FBXO16: variants seen among roughly 807,000 people sequenced by gnomAD.
FBXO16 encodes the protein F-box only protein 16.
A neutral mutation model predicts 41.0 loss-of-function variants in FBXO16; 31 were observed. The observed-to-expected ratio is 0.76, with a 90% confidence interval of 0.57 to 1.02. The LOEUF (loss-of-function observed/expected upper bound fraction) is 1.02, where lower values mean the gene tolerates loss of function less well. Among genes scored for constraint, FBXO16 ranks in the 50% least tolerant of loss-of-function variants. The pLI is 0.00. For synonymous variants in FBXO16, 133 were observed against 117.8 expected (o/e 1.13, Z -0.84); for missense variants, 361 against 346.2 (o/e 1.04, Z -0.34).
chr8:28,476,033 A>T (rs1177267484), intron 2 of FBXO16, among the ~76,000 whole-genome samples: 1 of 152,204 alleles, frequency 6.6e-6, no homozygotes, highest in Non-Finnish European at 1.5e-5. Flanking sequence ...TTCCAGCCTT[A>T]CATTCTTGAT....
chr8:28,460,533 T>G (rs754112233), intron 4 of FBXO16, among the ~76,000 whole-genome samples: 4 of 146,604 alleles, frequency 2.7e-5, no homozygotes, highest in Non-Finnish European at 5.9e-5. Flanking sequence ...AAGCAACCCT[T>G]CTGCCTCAGC....
intron 3 of FBXO16, among the ~76,000 whole-genome samples, chr8:28,471,447 CTCTT>C (rs146141472): frequency 2.1e-3 from 306 of 145,160 alleles, no homozygotes; most frequent in Middle Eastern, 0.017. Context: ...TCCTTCCTCT[CTCTT>C]TCTTTCTTTC....
At position 28,479,670 on chromosome 8, in the gene FBXO16, C is replaced by A. The variant is rs758035752; in HGVS notation, c.99+3678G>T. 5.9e-5 allele frequency among the ~76,000 whole-genome samples: 9 copies of A among 152,146 alleles called. No homozygotes were observed. The South Asian group carries it at 1.0e-3, about 18-fold the overall frequency. ...AACTGTGGGAGAGCTTCGAGCATTG[C>A]AAACAGGTGCTCAGTAAATTACTGT... On this transcript the variant is annotated intron_variant, in intron 2 of 8. Transcript: ENST00000380254.
chr8:28,440,872 C>T (rs946479472), intron 7 of FBXO16, among the ~76,000 whole-genome samples: 1 of 152,048 alleles, frequency 6.6e-6, no homozygotes. Flanking sequence ...CAGTGCTAGA[C>T]AAAGGGTATT....
chr8:28,469,976 G>A (rs1053300949), intron 3 of FBXO16, among the ~76,000 whole-genome samples: 4 of 151,778 alleles, frequency 2.6e-5, no homozygotes, highest in Non-Finnish European at 4.4e-5. Flanking sequence ...AGGCCGAGGC[G>A]GCTGGACCAC....
rs1460055576 is a variant in FBXO16 at position 28,438,243 on chromosome 8, G to A, written c.844-8840C>T. On this transcript the variant is annotated intron_variant, in intron 7 of 8. Transcript: ENST00000380254. ...AGGCATGAGAATTACTTGAACCTGA[G>A]AGGCAGAGGCTGCAGTGACCCAAGA... is the stretch of plus-strand genomic sequence containing the variant. Among the ~76,000 whole-genome samples, 5 of 152,234 alleles carry A rather than the reference G, an allele frequency of 3.3e-5. No homozygotes were observed. In the East Asian group the frequency reaches 9.7e-4, roughly 29 times the overall value.
At chr8:28,477,868 C>G (rs144236436) in intron 2 of FBXO16, among the ~76,000 whole-genome samples, 1 of 151,928 alleles carries the variant, frequency 6.6e-6, no homozygotes, top group Admixed American at 6.6e-5. Flanking sequence ...ACAAATTAGC[C>G]GGGCATGGTG....
At chr8:28,453,059 T>C (rs1316572323) in intron 5 of FBXO16, among the ~76,000 whole-genome samples, 2 of 152,200 alleles carry the variant, frequency 1.3e-5, no homozygotes, top group Non-Finnish European at 1.5e-5. Flanking sequence ...ACTTGCCATG[T>C]TGCAGTCACT....
intron 2 of FBXO16, among the ~76,000 whole-genome samples, chr8:28,476,324 A>C (rs915510492): frequency 6.6e-6 from 1 of 152,200 alleles, no homozygotes. Context: ...GTAGAAACTG[A>C]TGGGACAGAA....
At chr8:28,449,808 C>T (rs577517462) in intron 6 of FBXO16, among the ~76,000 whole-genome samples, 22 of 151,842 alleles carry the variant, frequency 1.4e-4, no homozygotes, top group Non-Finnish European at 2.8e-4. Flanking sequence ...CTCGTCCCTA[C>T]TAAAAATACA....
At chr8:28,449,685 T>C (rs946268996) in intron 6 of FBXO16, among the ~76,000 whole-genome samples, 5 of 151,706 alleles carry the variant, frequency 3.3e-5, no homozygotes, top group African/African-American at 1.2e-4. Flanking sequence ...TAAAGAAGGG[T>C]GATACGGGTC....
intron 6 of FBXO16, among the ~76,000 whole-genome samples, chr8:28,448,134 G>C (rs892384417): frequency 1.3e-5 from 2 of 152,014 alleles, no homozygotes; most frequent in Non-Finnish European, 2.9e-5. Flanking sequence ...GAGTCCAGGA[G>C]TTTGAGACCC....
In FBXO16 at chr8:28,465,432, G is replaced by A. The variant is rs115040664; in HGVS notation, c.136-1614C>T. ...GAGCCCAGGAATTTGAAACCAGCCC[G>A]AGCAACACCCCATCTGCACAAAAAA... is the stretch of plus-strand genomic sequence containing the variant. On this transcript the variant is annotated intron_variant, in intron 3 of 8. Coordinates refer to ENST00000380254, the MANE Select transcript of FBXO16 (RefSeq NM_172366.4). The A allele has an allele frequency of 3.7e-3, 1,653 of 450,302 alleles. 26 individuals are homozygous for A. Among genetic ancestry groups the A allele is most frequent in the African/African-American group, 0.03 (1,483 of 49,580 alleles). The allele number at this position is 450,302 out of a possible 1,614,324, so 27.9% of individuals were successfully genotyped here. A position where few individuals can be genotyped will look rare whatever the true frequency, so the allele number is the denominator to read the frequency against.
intron 3 of FBXO16, among the ~76,000 whole-genome samples, chr8:28,466,294 A>T (rs372844103): frequency 4.6e-5 from 7 of 152,236 alleles, no homozygotes; most frequent in African/African-American, 1.2e-4. Flanking sequence ...CCTAAATAAA[A>T]CTATTCACTA....
Position 28,483,376 on chromosome 8 carries a change from G to C in FBXO16, c.71C>G (p.Pro24Arg). 7 of 1,614,050 alleles carry C rather than the reference G, an allele frequency of 4.3e-6. No individual in the cohort carries two copies. Among genetic ancestry groups the C allele is most frequent in the Non-Finnish European group, 5.9e-6 (7 of 1,180,016 alleles). The change falls in exon 2 of 9, where the codon CCC becomes CGC. Residue 24 changes from proline (P) to arginine (R), a missense_variant. Physicochemically the swap from Pro to Arg is moderately radical, Grantham distance 103. Coordinates refer to ENST00000380254, the MANE Select transcript of FBXO16 (RefSeq NM_172366.4). Reference sequence around the variant, plus strand: ...GTCATTCAATAGCTGATGGTTTAGGGGTGTCCAGGTGCTCATCTTTGTCTG... The same window carrying C: ...GTCATTCAATAGCTGATGGTTTAGGCGTGTCCAGGTGCTCATCTTTGTCTG... ...KMQTKMSTWT[P>R]LNHQLLNDRV...
chr8:28,482,149 AT>A (rs1350361008), intron 2 of FBXO16, among the ~76,000 whole-genome samples: 1 of 152,176 alleles, frequency 6.6e-6, no homozygotes, highest in African/African-American at 2.4e-5. Flanking sequence ...CTCATCTTTT[AT>A]TGTGAAACAG....
intron 2 of FBXO16, among the ~76,000 whole-genome samples, chr8:28,476,684 C>T (rs1803428123): frequency 6.6e-6 from 1 of 152,116 alleles, no homozygotes; most frequent in Non-Finnish European, 1.5e-5. Context: ...ACTGTAGTTA[C>T]ATATTTTACC....
chr8:28,470,993 G>C (rs1803325664), intron 3 of FBXO16, among the ~76,000 whole-genome samples: 1 of 152,162 alleles, frequency 6.6e-6, no homozygotes, highest in Non-Finnish European at 1.5e-5. Flanking sequence ...CAACAGAGCA[G>C]AAGCTGAGAG....
At chr8:28,429,546 G>A in intron 7 of FBXO16, 143 bp from the exon 8 acceptor site, 1 of 866,952 alleles carries the variant, frequency 1.2e-6, no homozygotes, top group Non-Finnish European at 1.8e-6. Flanking sequence ...AGACCTAAGA[G>A]GATTGGGCTG....
Sources: allele counts gnomAD v4.1 joint callset (sites outside exome capture counted in the v4.1 genomes callset), GRCh38; gene constraint gnomAD v4.1.1; transcripts MANE v1.5; gene names NCBI Gene and HGNC (gene_info 2026-07-23, HGNC 2026-07-21).